SLC9A7: variants seen among roughly 807,000 people sequenced by gnomAD.
The protein encoded by SLC9A7 is sodium/hydrogen exchanger 7.
SLC9A7 carries 19 observed loss-of-function variants against 52.6 expected under a neutral mutation model. That is an observed-to-expected ratio of 0.36 (90% CI 0.25 to 0.53). SLC9A7 has a LOEUF of 0.53. SLC9A7 is among the 20% of genes least tolerant of loss of function. The pLI is 0.91. For synonymous variants in SLC9A7, 226 were observed against 252.1 expected (o/e 0.90, Z 0.98); for missense variants, 455 against 597.9 (o/e 0.76, Z 2.49).
Position 46,682,277 on chromosome X carries a change from A to G in SLC9A7, c.525+59T>C, listed in dbSNP as rs914750530. The G allele has an allele frequency of 9.3e-6, 10 of 1,074,959 alleles. No homozygotes were observed. In the African/African-American group the frequency reaches 1.8e-4, roughly 20 times the overall value. The allele number at this position is 1,074,959 out of a possible 1,213,427, so 88.6% of individuals were successfully genotyped here. ...AAGGATTTCTCTCCACAAGGTCAAG[A>G]CAAGTCAGGGAATCAACAACCATGT... On this transcript the variant is annotated intron_variant, in intron 2 of 16. Coordinates refer to ENST00000616978, the MANE Select transcript of SLC9A7 (RefSeq NM_001257291.2).
intron 11 of SLC9A7, among the ~76,000 whole-genome samples, chrX:46,644,238 T>C (rs1305128375): frequency 8.9e-6 from 1 of 112,303 alleles, no homozygotes; most frequent in Non-Finnish European, 1.9e-5. Flanking sequence ...CTGATCTGCA[T>C]TAATGGATTT....
chrX:46,612,973 A>T, intron 16 of SLC9A7, among the ~76,000 whole-genome samples: 1 of 99,871 alleles, frequency 1.0e-5, no homozygotes, highest in Non-Finnish European at 2.0e-5. Flanking sequence ...AAAGAGAGAG[A>T]GAAAGAACTG....
At chrX:46,648,160 T>C (rs189618579) in intron 11 of SLC9A7, among the ~76,000 whole-genome samples, 86 of 112,469 alleles carry the variant, frequency 7.6e-4, no homozygotes, top group Non-Finnish European at 1.4e-3. Flanking sequence ...AGTTATTAAA[T>C]TCTAGTGTTG....
At chrX:46,662,258 A>C (rs1365237734) in intron 6 of SLC9A7, 101 bp from the exon 7 acceptor site, 2 of 802,003 alleles carry the variant, frequency 2.5e-6, no homozygotes, top group East Asian at 6.9e-5. Context: ...CATTTTGTCA[A>C]GCATTGGCCA....
At position 46,652,658 on chromosome X, in the gene SLC9A7, T is replaced by G. The variant is rs749733163; in HGVS notation, c.1147+951A>C. ...ATTTTGTAATGCTGCATATAAAGAT[T>G]TGCTACAGTATTTTGAAAGGGTGAC... On this transcript the variant is annotated intron_variant, in intron 8 of 16. Coordinates refer to ENST00000616978, the MANE Select transcript of SLC9A7 (RefSeq NM_001257291.2). Among the ~76,000 whole-genome samples, 23 of 112,438 alleles carry G rather than the reference T, an allele frequency of 2.0e-4. No individual in the cohort carries two copies. The South Asian group carries it at 7.9e-3, about 39-fold the overall frequency.
chrX:46,672,714 G>T, intron 3 of SLC9A7, 87 bp from the exon 4 acceptor site: 1 of 663,380 alleles, frequency 1.5e-6, no homozygotes, highest in Non-Finnish European at 2.4e-6. Context: ...TCTCTAAAAA[G>T]TGGAACTCTA....
At chrX:46,615,295 C>T (rs192451305) in intron 15 of SLC9A7, among the ~76,000 whole-genome samples, 9 of 112,449 alleles carry the variant, frequency 8.0e-5, no homozygotes, top group African/African-American at 2.6e-4. Flanking sequence ...CTCGCCTCGG[C>T]CTCCCAAAAT....
intron 10 of SLC9A7, among the ~76,000 whole-genome samples, 186 bp from the exon 11 acceptor site, chrX:46,648,983 T>G (rs1943539051): frequency 8.9e-6 from 1 of 111,810 alleles, no homozygotes; most frequent in African/African-American, 3.3e-5. Flanking sequence ...GGGACTAATT[T>G]GGCCAAGCTT....
At chrX:46,654,834 C>T (rs1393184546) in intron 7 of SLC9A7, among the ~76,000 whole-genome samples, 1 of 111,193 alleles carries the variant, frequency 9.0e-6, no homozygotes, top group Non-Finnish European at 1.9e-5. Context: ...GTCTCCAAGG[C>T]ATCAAAAGGG....
intron 14 of SLC9A7, among the ~76,000 whole-genome samples, chrX:46,628,687 T>C (rs1315080138): frequency 2.7e-5 from 3 of 112,364 alleles, no homozygotes; most frequent in Non-Finnish European, 3.8e-5. Flanking sequence ...ATTTAGAAAA[T>C]GAGGTAAAGA....
chrX:46,725,382 T>C, intron 1 of SLC9A7: 6 of 1,197,325 alleles, frequency 5.0e-6, no homozygotes, highest in Non-Finnish European at 6.8e-6. Context: ...CAGTGCTTCT[T>C]GGATTTCATT....
At chrX:46,644,007 A>G (rs1268488945) in intron 11 of SLC9A7, among the ~76,000 whole-genome samples, 1 of 111,876 alleles carries the variant, frequency 8.9e-6, no homozygotes, top group African/African-American at 3.3e-5. Flanking sequence ...TCAAAAATCA[A>G]TAATAATAAT....
At chrX:46,649,389 A>T in intron 10 of SLC9A7, among the ~76,000 whole-genome samples, 1 of 112,559 alleles carries the variant, frequency 8.9e-6, no homozygotes, top group East Asian at 2.8e-4. Context: ...CATTCAGATC[A>T]CTCATAGGAA....
At chrX:46,745,442 G>A (rs1161685403) in intron 1 of SLC9A7, among the ~76,000 whole-genome samples, 1 of 112,114 alleles carries the variant, frequency 8.9e-6, no homozygotes, top group Non-Finnish European at 1.9e-5. Flanking sequence ...AGCTACCTGG[G>A]AGGAAAAGTA....
chrX:46,625,244 C>CT (rs202021180), intron 14 of SLC9A7, among the ~76,000 whole-genome samples: 36 of 95,370 alleles, frequency 3.8e-4, no homozygotes, highest in Middle Eastern at 5.3e-3. Flanking sequence ...GAACAGCTTA[C>CT]TTTTTTTTTT....
In SLC9A7 at chrX:46,606,627, G is replaced by A. The variant is rs1254927651; in HGVS notation, c.*325C>T. On this transcript the variant is annotated 3_prime_UTR_variant, in exon 17 of 17. Coordinates refer to ENST00000616978, the MANE Select transcript of SLC9A7 (RefSeq NM_001257291.2). ...GGAGGAATCCCCCCACCCAGCACCTGCCTCGCCTTGTTCAGATACTGCAGG... is the reference window on the plus strand; with the variant it reads ...GGAGGAATCCCCCCACCCAGCACCTACCTCGCCTTGTTCAGATACTGCAGG... 17 of 922,771 alleles carry A rather than the reference G, an allele frequency of 1.8e-5. No homozygotes were observed. The Admixed American group carries it at 2.1e-4, about 11-fold the overall frequency. 76.0% of individuals were successfully genotyped at this position (922,771 alleles called of 1,213,427 possible). A position where few individuals can be genotyped will look rare whatever the true frequency, so the allele number is the denominator to read the frequency against.
At chrX:46,619,807 T>A (rs1338026132) in intron 15 of SLC9A7, among the ~76,000 whole-genome samples, 1 of 108,897 alleles carries the variant, frequency 9.2e-6, no homozygotes, top group Non-Finnish European at 1.9e-5. Flanking sequence ...TGACTAATTT[T>A]TGTATTTTTT....
chrX:46,637,679 C>A (rs1943344203), intron 12 of SLC9A7, among the ~76,000 whole-genome samples: 1 of 112,023 alleles, frequency 8.9e-6, no homozygotes, highest in Non-Finnish European at 1.9e-5. Context: ...AGGACACACA[C>A]AGGCTCATCA....
intron 1 of SLC9A7, among the ~76,000 whole-genome samples, chrX:46,727,338 T>A (rs1944961542): frequency 8.9e-6 from 1 of 112,380 alleles, no homozygotes; most frequent in African/African-American, 3.2e-5. Flanking sequence ...GGTACCCCAA[T>A]GCAATCTCTT....
Sources: allele counts gnomAD v4.1 joint callset (sites outside exome capture counted in the v4.1 genomes callset), GRCh38; gene constraint gnomAD v4.1.1; transcripts MANE v1.5; gene names NCBI Gene and HGNC (gene_info 2026-07-23, HGNC 2026-07-21).